Variants in KCNIP4 observed in about 807,000 individuals in gnomAD.
The protein encoded by KCNIP4 is potassium voltage-gated channel interacting protein 4.
A neutral mutation model predicts 34.0 loss-of-function variants in KCNIP4; 12 were observed. The ratio of observed to expected loss-of-function variants is 0.35; its 90% CI spans 0.23 to 0.57. The LOEUF (loss-of-function observed/expected upper bound fraction) is 0.57, where lower values mean the gene tolerates loss of function less well. Ranked by LOEUF, KCNIP4 falls within the 20% of genes least tolerant of loss-of-function variation. The probability of loss-of-function intolerance (pLI) is 0.83; values close to 1 mark genes in which losing one functional copy is unlikely to be tolerated. For synonymous variants in KCNIP4, 124 were observed against 102.2 expected (o/e 1.21, Z -1.29); for missense variants, 238 against 311.7 (o/e 0.76, Z 1.78).
intron 1 of KCNIP4, among the ~76,000 whole-genome samples, chr4:21,142,169 A>C (rs1256269573): frequency 1.4e-5 from 2 of 141,844 alleles, no homozygotes; most frequent in East Asian, 2.0e-4. Flanking sequence ...AAAAAAAAAA[A>C]CCCAAAAAAC....
At chr4:21,734,334 G>A (rs530492593) in intron 1 of KCNIP4, among the ~76,000 whole-genome samples, 74 of 152,226 alleles carry the variant, frequency 4.9e-4, no homozygotes, top group African/African-American at 1.8e-3. Flanking sequence ...TATCAAGATA[G>A]TGAGTTTTAA....
intron 1 of KCNIP4, among the ~76,000 whole-genome samples, chr4:20,985,336 A>G (rs574424443): frequency 2.2e-4 from 34 of 152,332 alleles, no homozygotes; most frequent in African/African-American, 7.7e-4. Context: ...GTTAACATGT[A>G]CTAAGCACTT....
intron 1 of KCNIP4, among the ~76,000 whole-genome samples, chr4:21,917,047 T>C (rs1484566071): frequency 6.6e-6 from 1 of 152,244 alleles, no homozygotes; most frequent in Non-Finnish European, 1.5e-5. Flanking sequence ...TTTGCTCCTC[T>C]GTGGTCCATT....
intron 1 of KCNIP4, among the ~76,000 whole-genome samples, chr4:21,263,920 G>C (rs1440726479): frequency 6.6e-6 from 1 of 152,074 alleles, no homozygotes; most frequent in African/African-American, 2.4e-5. Flanking sequence ...CTCCCAAAGT[G>C]CTGGGATTAC....
intron 1 of KCNIP4, among the ~76,000 whole-genome samples, chr4:21,321,533 G>T (rs2109301645): frequency 6.6e-6 from 1 of 152,112 alleles, no homozygotes; most frequent in South Asian, 2.1e-4. Flanking sequence ...TACGAAGAAG[G>T]CTTTTGGCAA....
chr4:21,377,513 T>C (rs1382692988), intron 1 of KCNIP4, among the ~76,000 whole-genome samples: 1 of 152,236 alleles, frequency 6.6e-6, no homozygotes, highest in East Asian at 1.9e-4. Context: ...ATGAGTAATT[T>C]ACAGAAAGAA....
intron 1 of KCNIP4, among the ~76,000 whole-genome samples, chr4:21,547,953 C>A (rs536636587): frequency 6.6e-6 from 1 of 152,114 alleles, no homozygotes; most frequent in African/African-American, 2.4e-5. Context: ...GTGTCCCAAT[C>A]TCAACCACCC....
chr4:21,912,794 CATTAT>C (rs1728411922), intron 1 of KCNIP4, among the ~76,000 whole-genome samples: 1 of 150,244 alleles, frequency 6.7e-6, no homozygotes, highest in South Asian at 2.1e-4. Context: ...TCATATATTA[CATTAT>C]ATGTTTTATA....
At chr4:21,591,414 G>T (rs1190538248) in intron 1 of KCNIP4, among the ~76,000 whole-genome samples, 8 of 151,928 alleles carry the variant, frequency 5.3e-5, no homozygotes, top group Non-Finnish European at 1.0e-4. Flanking sequence ...GCAGCCTTTT[G>T]GGTATCTCAA....
At chr4:20,991,772 G>T (rs772531559) in intron 1 of KCNIP4, among the ~76,000 whole-genome samples, 2 of 152,200 alleles carry the variant, frequency 1.3e-5, no homozygotes, top group Non-Finnish European at 2.9e-5. Context: ...TATGACAAAT[G>T]GCATCTCCAT....
At position 21,019,995 on chromosome 4, in the gene KCNIP4, C is replaced by T. The variant is rs79965027; in HGVS notation, c.62-137286G>A. Among the ~76,000 whole-genome samples the T allele has an allele frequency of 4.5e-3, 688 of 152,174 alleles. 9 individuals carry two copies. The highest frequency in any genetic ancestry group is 0.012 in the Admixed American group (184 of 15,278). On this transcript the variant is annotated intron_variant, in intron 1 of 8. Transcript: ENST00000382152. ...TTGATAGTTAAGAGGCACATTTGGCCTGAAAATGTCTGTGATTTTCCAGAG... is the reference window on the plus strand; with the variant it reads ...TTGATAGTTAAGAGGCACATTTGGCTTGAAAATGTCTGTGATTTTCCAGAG...
intron 1 of KCNIP4, among the ~76,000 whole-genome samples, chr4:21,367,104 G>A (rs1044638575): frequency 6.6e-6 from 1 of 152,094 alleles, no homozygotes; most frequent in African/African-American, 2.4e-5. Context: ...TAAAAGTGGA[G>A]AGAACAGCCC....
chr4:21,384,109 G>A (rs1470846484), intron 1 of KCNIP4, among the ~76,000 whole-genome samples: 1 of 151,906 alleles, frequency 6.6e-6, no homozygotes, highest in Non-Finnish European at 1.5e-5. Flanking sequence ...CCAGGTTTTT[G>A]CATGTCTATC....
At chr4:20,920,944 C>T (rs140255121) in intron 1 of KCNIP4, among the ~76,000 whole-genome samples, 108 of 152,018 alleles carry the variant, frequency 7.1e-4, no homozygotes, top group African/African-American at 2.1e-3. Flanking sequence ...AGCCAAGTCA[C>T]GCCACTGCAC....
chr4:21,889,325 C>G (rs548063673), intron 1 of KCNIP4, among the ~76,000 whole-genome samples: 1 of 152,012 alleles, frequency 6.6e-6, no homozygotes, highest in South Asian at 2.1e-4. Flanking sequence ...AGATTTGGGT[C>G]CCATCCCCAA....
chr4:20,889,777 A>C (rs1208006882), intron 1 of KCNIP4, among the ~76,000 whole-genome samples: 1 of 151,644 alleles, frequency 6.6e-6, no homozygotes, highest in Non-Finnish European at 1.5e-5. Flanking sequence ...CAAAAAAAAA[A>C]AAAAACAAAA....
intron 1 of KCNIP4, among the ~76,000 whole-genome samples, chr4:21,710,263 T>C (rs1713616435): frequency 6.6e-6 from 1 of 152,136 alleles, no homozygotes; most frequent in Non-Finnish European, 1.5e-5. Flanking sequence ...TAAGGATTCA[T>C]TTCCCAACAG....
In KCNIP4 at chr4:21,174,779, C is replaced by T. The variant is rs780219495; in HGVS notation, c.62-292070G>A. On this transcript the variant is annotated intron_variant, in intron 1 of 8. Coordinates refer to ENST00000382152, the MANE Select transcript of KCNIP4 (RefSeq NM_025221.6). The stretch of plus-strand genomic sequence containing the variant: ...AATTAGCCAGGCCTGGTGGTGCATG[C>T]CTGTAATCCCAGCTACTTGGGAGGC... Among the ~76,000 whole-genome samples the T allele has an allele frequency of 4.6e-5, 7 of 152,058 alleles. No homozygotes were observed. In the South Asian group the frequency reaches 1.2e-3, roughly 27 times the overall value.
intron 1 of KCNIP4, among the ~76,000 whole-genome samples, chr4:21,172,352 A>G (rs7677185): frequency 0.022 from 3,406 of 152,224 alleles, 145 homozygotes; most frequent in African/African-American, 0.077. Context: ...GTTTTAACTG[A>G]ATTAATCCAT....
Sources: allele counts gnomAD v4.1 joint callset (sites outside exome capture counted in the v4.1 genomes callset), GRCh38; gene constraint gnomAD v4.1.1; transcripts MANE v1.5; gene names NCBI Gene and HGNC (gene_info 2026-07-23, HGNC 2026-07-21).